The following ZNF771 variants were observed in gnomAD, a reference collection of about 807,000 sequenced individuals.
ZNF771 encodes the protein mesenchymal stem cell protein DSC43.
ZNF771 carries 10 observed loss-of-function variants against 27.6 expected under a neutral mutation model. The ratio of observed to expected loss-of-function variants is 0.36; its 90% CI spans 0.22 to 0.61. The LOEUF is 0.61. ZNF771 is among the 20% of genes least tolerant of loss of function. The probability of loss-of-function intolerance (pLI) is 0.70; values close to 1 mark genes in which losing one functional copy is unlikely to be tolerated. For missense variants in ZNF771, 438 were observed against 503.7 expected, an observed-to-expected ratio of 0.87 and a Z score of 1.25; for synonymous variants, 261 against 225.2, an observed-to-expected ratio of 1.16 and a Z score of -1.43.
chr16:30,409,495 C>T (rs1024907328), intron 2 of ZNF771, among the ~76,000 whole-genome samples: 5 of 152,196 alleles, frequency 3.3e-5, no homozygotes, highest in African/African-American at 9.7e-5. Flanking sequence ...GTTTCCGCTT[C>T]TCAGAACCCC....
At chr16:30,408,260 A>T in intron 2 of ZNF771, 66 bp downstream of exon 2, 1 of 1,607,980 alleles carries the variant, frequency 6.2e-7, no homozygotes, top group South Asian at 1.1e-5. Context: ...CCTCCCTCAG[A>T]TAGAAGCCAG....
chr16:30,418,144 C>T lies in ZNF771; in HGVS notation c.731C>T (p.Ser244Phe). 1 of 1,478,572 alleles carries T rather than the reference C, an allele frequency of 6.8e-7. No homozygotes were observed. Among genetic ancestry groups the T allele is most frequent in the Non-Finnish European group, 8.9e-7 (1 of 1,121,530 alleles). 91.6% of individuals were successfully genotyped at this position (1,478,572 alleles called of 1,614,324 possible). The change falls in exon 3 of 3, where the codon TCC (serine) becomes TTC (phenylalanine). Residue 244 changes from serine (S) to phenylalanine (F), a missense_variant. Ser to Phe is a radical substitution (Grantham distance 155). This residue lies in a region of ZNF771 where 305 missense variants were observed against 308.0 expected (regional missense o/e 0.99). Transcript: ENST00000319296. ...AVCGRRFGHR[S>F]NLAEHARTHT... Reference sequence around the variant, plus strand: ...TGTGGCCGTCGCTTCGGCCACCGCTCCAACCTGGCGGAGCACGCGCGCACG... The same window carrying T: ...TGTGGCCGTCGCTTCGGCCACCGCTTCAACCTGGCGGAGCACGCGCGCACG...
In ZNF771 at chr16:30,418,361, C is replaced by T; in HGVS notation, c.948C>T (p.Gly316=). The T allele has an allele frequency of 7.0e-7, 1 of 1,421,946 alleles. No homozygotes were observed. The highest frequency in any genetic ancestry group is 9.2e-7 in the Non-Finnish European group (1 of 1,089,388). 88.1% of individuals were successfully genotyped at this position (1,421,946 alleles called of 1,614,324 possible). A position where few individuals can be genotyped will look rare whatever the true frequency, so the allele number is the denominator to read the frequency against. The change falls in exon 3 of 3, where the codon GGC becomes GGT. Residue 316 remains glycine, a synonymous_variant. Transcript: ENST00000319296. ...TATERCPECE[G]S is the part of the protein sequence containing the mutation. ...CCGAGCGTTGCCCGGAGTGTGAGGG[C>T]AGCTGAGTCCCGCAGGGCTGCGGAG...
intron 1 of ZNF771, among the ~76,000 whole-genome samples, 177 bp downstream of exon 1, chr16:30,407,841 G>A (rs2050083590): frequency 6.6e-6 from 1 of 152,026 alleles, no homozygotes; most frequent in Non-Finnish European, 1.5e-5. Flanking sequence ...TGAGTGGGGT[G>A]AACGCGAGCC....
chr16:30,417,772 A>ATACACATCTGACGCTGCCGACGAT lies in ZNF771; in HGVS notation c.359_360insTACACATCTGACGCTGCCGACGAT (p.Glu120delinsAspThrHisLeuThrLeuProThrMet). 1 of 1,411,190 alleles carries ATACACATCTGACGCTGCCGACGAT rather than the reference A, an allele frequency of 7.1e-7. No individual in the cohort carries two copies. The highest frequency in any genetic ancestry group is 1.4e-5 in the South Asian group (1 of 70,560). The allele number at this position is 1,411,190 out of a possible 1,614,324, so 87.4% of individuals were successfully genotyped here. ...ACGCACACGGGCGAGCGGCCCTACG[A>ATACACATCTGACGCTGCCGACGAT]GTGCCCCGAGTGCGACAAACGCTTC... On this transcript the variant is annotated protein_altering_variant, in exon 3 of 3. Coordinates refer to ENST00000319296, the MANE Select transcript of ZNF771 (RefSeq NM_001142305.2).
intron 2 of ZNF771, among the ~76,000 whole-genome samples, chr16:30,409,037 T>C (rs1321637355): frequency 6.6e-6 from 1 of 151,898 alleles, no homozygotes. Flanking sequence ...TGCAGTGGCG[T>C]GATCTCGGCT....
chr16:30,417,742 G>T lies in ZNF771; in HGVS notation c.329G>T (p.Gly110Val). The change falls in exon 3 of 3, where the codon GGC (glycine) becomes GTC (valine). Residue 110 changes from glycine (G) to valine (V), a missense_variant. Gly to Val is a moderately radical substitution (Grantham distance 109). This residue lies in a region of ZNF771 where 49 missense variants were observed against 106.5 expected (regional missense o/e 0.46). Coordinates refer to ENST00000319296, the MANE Select transcript of ZNF771 (RefSeq NM_001142305.2). ...CAGAAGTCGGCGCTGACCAAACACG[G>T]CCGCACGCACACGGGCGAGCGGCCC... ...FSQKSALTKH[G>V]RTHTGERPYE... is the part of the protein sequence containing the mutation. The T allele has an allele frequency of 7.1e-7, 1 of 1,413,850 alleles. No individual in the cohort carries two copies. Among genetic ancestry groups the T allele is most frequent in the Non-Finnish European group, 9.2e-7 (1 of 1,089,588 alleles). 87.6% of individuals were successfully genotyped at this position (1,413,850 alleles called of 1,614,324 possible).
chr16:30,417,848 G>C lies in ZNF771; in HGVS notation c.435G>C (p.Lys145Asn). ...RQHRRRHTGE[K>N]PYACAHCGRR... ...ACCGGCGGCGGCACACGGGCGAGAA[G>C]CCGTACGCATGCGCGCACTGCGGCC... The change falls in exon 3 of 3, where the codon AAG becomes AAC. Residue 145 changes from lysine to asparagine, a missense_variant. Lys to Asn is a moderately conservative substitution (Grantham distance 94, BLOSUM62 0). Around this residue, in one of 3 missense-constraint regions of ZNF771, gnomAD observed 305 missense variants for 308.0 expected, o/e 0.99. Transcript: ENST00000319296. The C allele has an allele frequency of 6.6e-7, 1 of 1,506,376 alleles. No homozygotes were observed. 93.3% of individuals were successfully genotyped at this position (1,506,376 alleles called of 1,614,324 possible).
intron 2 of ZNF771, among the ~76,000 whole-genome samples, chr16:30,409,244 G>C (rs2050091967): frequency 6.6e-6 from 1 of 152,170 alleles, no homozygotes; most frequent in African/African-American, 2.4e-5. Flanking sequence ...CCAAAGTGCT[G>C]GGATTATAGG....
chr16:30,417,977 G>C lies in ZNF771; in HGVS notation c.564G>C (p.Ser188=). The C allele has an allele frequency of 6.7e-7, 1 of 1,485,892 alleles. No individual in the cohort carries two copies. Among genetic ancestry groups the C allele is most frequent in the South Asian group, 1.3e-5 (1 of 77,856 alleles). 92.0% of individuals were successfully genotyped at this position (1,485,892 alleles called of 1,614,324 possible). Reference sequence around the variant, plus strand: ...GCGGACGCGCCTTTGGCGGCAGCTCGTGCCTGGCGCGCCACCGACGCACGC... The same window carrying C: ...GCGGACGCGCCTTTGGCGGCAGCTCCTGCCTGGCGCGCCACCGACGCACGC... ...PDCGRAFGGS[S]CLARHRRTHT... The change falls in exon 3 of 3, where the codon TCG becomes TCC. Residue 188 remains serine (S), a synonymous_variant. Transcript: ENST00000319296.
intron 2 of ZNF771, among the ~76,000 whole-genome samples, chr16:30,410,856 C>CA (rs71149015): frequency 0.061 from 1,670 of 27,346 alleles, 153 homozygotes; most frequent in African/African-American, 0.18. Flanking sequence ...CTCATCTCTA[C>CA]AAAAAAAAAA....
intron 2 of ZNF771, among the ~76,000 whole-genome samples, chr16:30,409,918 C>T (rs1197528383): frequency 6.6e-6 from 1 of 152,138 alleles, no homozygotes; most frequent in East Asian, 1.9e-4. Context: ...TCAGTTTCCT[C>T]ATTTGTAAAA....
chr16:30,417,570 C>CCCGCGCCGT lies in ZNF771; in HGVS notation c.162_170dup (p.Pro55_Ala57dup). Reference sequence around the variant, plus strand: ...CTCCCCGCAGGTCCCGGGCGAGGCGCCCGCGCCGTCCGCCGACCCGGCGCG... The same window carrying CCCGCGCCGT: ...CTCCCCGCAGGTCCCGGGCGAGGCGCCCGCGCCGTCCGCGCCGTCCGCCGACCCGGCGCG... On this transcript the variant is annotated inframe_insertion, in exon 3 of 3. Coordinates refer to ENST00000319296, the MANE Select transcript of ZNF771 (RefSeq NM_001142305.2). 1 of 1,224,884 alleles carries CCCGCGCCGT rather than the reference C, an allele frequency of 8.2e-7. No individual in the cohort carries two copies. Among genetic ancestry groups the CCCGCGCCGT allele is most frequent in the Non-Finnish European group, 1.0e-6 (1 of 985,304 alleles). The allele number at this position is 1,224,884 out of a possible 1,614,324, so 75.9% of individuals were successfully genotyped here. A position where few individuals can be genotyped will look rare whatever the true frequency, so the allele number is the denominator to read the frequency against.
intron 2 of ZNF771, among the ~76,000 whole-genome samples, chr16:30,414,946 CTTTTTTTTTTTTTTT>C (rs71149016): frequency 5.2e-4 from 31 of 59,466 alleles, no homozygotes; most frequent in South Asian, 3.3e-3. Flanking sequence ...CGCCCGGCCT[CTTTTTTTTTTTTTTT>C]TTTTTTTTTT....
intron 2 of ZNF771, among the ~76,000 whole-genome samples, chr16:30,417,087 T>C (rs1289195215): frequency 6.6e-6 from 1 of 152,226 alleles, no homozygotes; most frequent in African/African-American, 2.4e-5. Context: ...CGCCCTGCCG[T>C]TCCCTCTGCA....
rs1271050161 is a variant in ZNF771, at chr16:30,418,082, C to T, written c.669C>T (p.Arg223=). The T allele has an allele frequency of 1.1e-5, 16 of 1,476,182 alleles. No homozygotes were observed. The Admixed American group carries it at 3.6e-4, about 34-fold the overall frequency. 91.4% of individuals were successfully genotyped at this position (1,476,182 alleles called of 1,614,324 possible). Residue 223 remains arginine (R), a synonymous_variant, in exon 3 of 3, where the codon CGC becomes CGT. Coordinates refer to ENST00000319296, the MANE Select transcript of ZNF771 (RefSeq NM_001142305.2). ...AQSSALAKHR[R]VHTGEKPHRC... ...GCTCGGCGCTGGCCAAGCACCGGCG[C>T]GTGCACACGGGCGAGAAGCCGCACC...
chr16:30,411,956 T>G (rs553854105), intron 2 of ZNF771, among the ~76,000 whole-genome samples: 8 of 152,274 alleles, frequency 5.3e-5, no homozygotes, highest in African/African-American at 1.7e-4. Context: ...TTAGAAAGAT[T>G]TTCTGAGGGC....
chr16:30,414,071 A>C (rs1301792580), intron 2 of ZNF771: 4 of 152,208 alleles, frequency 2.6e-5, no homozygotes. Context: ...CAGCATGAGG[A>C]AGCCCTCAGG....
At position 30,413,261 on chromosome 16, in the gene ZNF771, A is replaced by G. The variant is rs147352313; in HGVS notation, c.142-4294A>G. On this transcript the variant is annotated intron_variant, in intron 2 of 2. Coordinates refer to ENST00000319296, the MANE Select transcript of ZNF771 (RefSeq NM_001142305.2). ...ATTTATTCTAATTTTTAAATCTAAT[A>G]GTTGTAGAATTTAAGACATGCTTGG... Among the ~76,000 whole-genome samples, 305 of 152,312 alleles carry G rather than the reference A, an allele frequency of 2.0e-3. 1 individual carries two copies. The highest frequency in any genetic ancestry group is 6.8e-3 in the African/African-American group (284 of 41,564).
Sources: gnomAD v4.1 joint callset for allele counts (sites outside exome capture counted in the v4.1 genomes callset) on GRCh38, gnomAD v4.1.1 for gene constraint, gnomAD v4.1.1 regional missense constraint, MANE v1.5 for transcripts, NCBI Gene and HGNC (gene_info 2026-07-23, HGNC 2026-07-21) for gene names.